The following DNAH7 variants were observed in gnomAD, a reference collection of about 807,000 sequenced individuals.
DNAH7 encodes the protein axonemal beta dynein heavy chain 7.
Under a neutral mutation model 444.6 loss-of-function variants are expected in DNAH7, and 397 were observed. The ratio of observed to expected loss-of-function variants is 0.89; its 90% confidence interval spans 0.82 to 0.97. The LOEUF is 0.97. Among genes scored for constraint, DNAH7 ranks in the 50% least tolerant of loss-of-function variants. The pLI is 0.00. For synonymous variants in DNAH7, 1,636 were observed against 1,624.4 expected (o/e 1.01, Z -0.17); for missense variants, 4,902 against 4,800.8 (o/e 1.02, Z -0.62).
intron 60 of DNAH7, among the ~76,000 whole-genome samples, chr2:195,772,232 C>T (rs747579991): frequency 2.6e-5 from 4 of 152,144 alleles, no homozygotes; most frequent in Admixed American, 6.6e-5. Context: ...GGTGGAGTGG[C>T]CAAGCGATGG....
intron 15 of DNAH7, among the ~76,000 whole-genome samples, 154 bp from the exon 16 acceptor site, chr2:195,972,620 C>G (rs188895063): frequency 1.2e-3 from 186 of 152,204 alleles, no homozygotes; most frequent in Non-Finnish European, 2.2e-3. Context: ...TCCTTCTCAT[C>G]CCTCCCAAAC....
chr2:195,915,014 C>A (rs745465874), intron 24 of DNAH7, among the ~76,000 whole-genome samples: 1 of 152,168 alleles, frequency 6.6e-6, no homozygotes, highest in Non-Finnish European at 1.5e-5. Context: ...TTTAAAACTG[C>A]TTTTCAGTTT....
Position 195,818,656 on chromosome 2 carries a change from T to G in DNAH7, c.9292-827A>C, listed in dbSNP as rs567007513. 2.6e-5 allele frequency among the ~76,000 whole-genome samples: 4 copies of G among 152,298 alleles called. No homozygotes were observed. In the South Asian group the frequency reaches 8.3e-4, roughly 32 times the overall value. ...ATATATATTTTCTGCCTCCACTTTA[T>G]TTCATGATACAGCCCTTTACAATCT... is the stretch of plus-strand genomic sequence containing the variant. On this transcript the variant is annotated intron_variant, in intron 49 of 64. Coordinates refer to ENST00000312428, the MANE Select transcript of DNAH7 (RefSeq NM_018897.3).
chr2:195,994,716 A>C, intron 12 of DNAH7: 1 of 489,888 alleles, frequency 2.0e-6, no homozygotes, highest in South Asian at 1.6e-5. Flanking sequence ...TTTGGTCTTT[A>C]AGACCACTAA....
At chr2:195,928,635 G>C (rs1295142484) in intron 21 of DNAH7, among the ~76,000 whole-genome samples, 1 of 152,022 alleles carries the variant, frequency 6.6e-6, no homozygotes, top group African/African-American at 2.4e-5. Context: ...ATATGCATAA[G>C]TACATTCATT....
In DNAH7 at chr2:195,987,990, T is replaced by C. The variant is rs1302747380; in HGVS notation, c.1593A>G (p.Lys531=). The C allele has an allele frequency of 1.9e-6, 3 of 1,612,494 alleles. No homozygotes were observed. Among genetic ancestry groups the C allele is most frequent in the Non-Finnish European group, 1.7e-6 (2 of 1,179,148 alleles). Reference sequence around the variant, plus strand: ...ATGTGTACTGTATTTCCTCTATTAGTTTCTGGTATTTGCAAATTTCATCTA... The same window carrying C: ...ATGTGTACTGTATTTCCTCTATTAGCTTCTGGTATTTGCAAATTTCATCTA... ...KIIDEICKYQ[K]LIEEIQYTSI... Residue 531 remains lysine (K), a synonymous_variant, in exon 13 of 65, where the codon AAA becomes AAG. Transcript: ENST00000312428.
At chr2:195,755,152 T>C (rs962984089) in intron 62 of DNAH7, among the ~76,000 whole-genome samples, 16 of 152,204 alleles carry the variant, frequency 1.1e-4, no homozygotes, top group African/African-American at 3.9e-4. Flanking sequence ...CCATAAAGTC[T>C]GGTCAGATGG....
chr2:195,752,089 A>G (rs2105903808), intron 63 of DNAH7, among the ~76,000 whole-genome samples: 1 of 152,198 alleles, frequency 6.6e-6, no homozygotes, highest in East Asian at 1.9e-4. Context: ...TGGACAACAC[A>G]GGGAGACCCT....
At chr2:196,045,054 G>A (rs1197249614) in intron 5 of DNAH7, among the ~76,000 whole-genome samples, 4 of 151,826 alleles carry the variant, frequency 2.6e-5, no homozygotes, top group African/African-American at 7.3e-5. Flanking sequence ...GCAAGAGGAT[G>A]AGATTCTGTC....
rs75692171 is a variant in DNAH7 at position 195,898,361 on chromosome 2, T to C, written c.4549-596A>G. ...AGATACTTGTAATATAATTTAAGTG[T>C]ATCATTCTGATAAATTTTTAAGTTT... On this transcript the variant is annotated intron_variant, in intron 28 of 64. Coordinates refer to ENST00000312428, the MANE Select transcript of DNAH7 (RefSeq NM_018897.3). 1.2e-3 allele frequency among the ~76,000 whole-genome samples: 184 copies of C among 152,364 alleles called. 2 individuals are homozygous for C. The East Asian group carries it at 0.032, about 26-fold the overall frequency.
chr2:195,745,371 A>C (rs1221775143), intron 63 of DNAH7, among the ~76,000 whole-genome samples: 1 of 152,242 alleles, frequency 6.6e-6, no homozygotes, highest in Non-Finnish European at 1.5e-5. Flanking sequence ...GACCAAATCT[A>C]CGTCTCATTG....
intron 1 of DNAH7, among the ~76,000 whole-genome samples, chr2:196,067,383 T>A (rs910340095): frequency 2.6e-5 from 4 of 152,240 alleles, no homozygotes; most frequent in African/African-American, 9.6e-5. Context: ...TAAATCTGAT[T>A]ACATTAATAT....
intron 1 of DNAH7, among the ~76,000 whole-genome samples, chr2:196,061,780 T>TTA (rs1459252042): frequency 6.6e-6 from 1 of 152,208 alleles, no homozygotes; most frequent in African/African-American, 2.4e-5. Flanking sequence ...AGAATCCTTA[T>TTA]TATATCATGT....
intron 19 of DNAH7, among the ~76,000 whole-genome samples, chr2:195,952,584 G>C (rs1690340528): frequency 6.6e-6 from 1 of 152,038 alleles, no homozygotes. Flanking sequence ...TGCAGGTTTG[G>C]TCTTTTCACA....
intron 46 of DNAH7, among the ~76,000 whole-genome samples, chr2:195,852,714 G>C (rs1355378434): frequency 3.3e-5 from 5 of 152,172 alleles, no homozygotes; most frequent in Non-Finnish European, 5.9e-5. Context: ...GAAAGAGGCA[G>C]AATCAGTCAG....
chr2:196,015,298 C>T (rs1248929254), intron 9 of DNAH7, among the ~76,000 whole-genome samples: 1 of 152,042 alleles, frequency 6.6e-6, no homozygotes, highest in East Asian at 1.9e-4. Context: ...ATCTTTTTAA[C>T]ATGTTTAAAA....
chr2:196,005,985 C>A (rs1362134829), intron 10 of DNAH7, among the ~76,000 whole-genome samples: 1 of 151,916 alleles, frequency 6.6e-6, no homozygotes, highest in East Asian at 1.9e-4. Context: ...AAATCCTCAA[C>A]AAAATACTAG....
intron 30 of DNAH7, chr2:195,892,510 A>G (rs1702073010): frequency 6.6e-6 from 1 of 151,924 alleles, no homozygotes; most frequent in African/African-American, 2.4e-5. Flanking sequence ...TGGCTTTTTA[A>G]AAAAAGGTTT....
At chr2:195,891,549 C>T in intron 31 of DNAH7, 106 bp downstream of exon 31, 1 of 1,038,096 alleles carries the variant, frequency 9.6e-7, no homozygotes, top group Non-Finnish European at 1.3e-6. Context: ...TAAATAATAT[C>T]TTAATCTATA....
Sources: allele counts gnomAD v4.1 joint callset (sites outside exome capture counted in the v4.1 genomes callset), GRCh38; gene constraint gnomAD v4.1.1; transcripts MANE v1.5; gene names NCBI Gene and HGNC (gene_info 2026-07-23, HGNC 2026-07-21).